Variants in NAV2 observed in about 807,000 individuals in gnomAD.
NAV2 encodes the protein helicase, APC down-regulated 1.
NAV2 carries 54 observed loss-of-function variants against 223.2 expected under a neutral mutation model. The observed-to-expected ratio is 0.24, with a 90% CI of 0.19 to 0.30. The LOEUF is 0.30. Ranked by LOEUF, NAV2 falls within the 10% of genes least tolerant of loss-of-function variation. The probability of loss-of-function intolerance (pLI) is 1.00; values close to 1 mark genes in which losing one functional copy is unlikely to be tolerated. For missense variants in NAV2, 2,806 were observed against 3,147.5 expected (o/e 0.89, Z 2.60); for synonymous variants, 1,279 against 1,239.3 (o/e 1.03, Z -0.67).
intron 1 of NAV2, among the ~76,000 whole-genome samples, chr11:19,355,390 A>C (rs1349446504): frequency 1.3e-5 from 2 of 152,026 alleles, no homozygotes; most frequent in African/African-American, 4.8e-5. Flanking sequence ...GGAGAGTGTG[A>C]ACTCGGGTTT....
intron 32 of NAV2, 147 bp downstream of exon 32, chr11:20,101,319 A>C: frequency 1.6e-6 from 1 of 643,450 alleles, no homozygotes; most frequent in East Asian, 2.8e-5. Context: ...AGAGGGGGCT[A>C]GCAGAAAAGA....
chr11:19,510,344 T>G (rs995849670), intron 1 of NAV2, among the ~76,000 whole-genome samples: 1 of 152,240 alleles, frequency 6.6e-6, no homozygotes, highest in African/African-American at 2.4e-5. Flanking sequence ...AGGTTGTGGA[T>G]GCTGTCCTGA....
At position 20,044,227 on chromosome 11, in the gene NAV2, A is replaced by G. The variant is rs758666695; in HGVS notation, c.3154A>G (p.Thr1052Ala). The change falls in exon 13 of 38, where the codon ACG becomes GCG. Residue 1052 changes from threonine (T) to alanine (A), a missense_variant. By Grantham distance (58) the Thr-to-Ala change is moderately conservative. This residue lies in a region of NAV2 where 742 missense variants were observed against 777.9 expected (regional missense o/e 0.95). Coordinates refer to ENST00000349880, the MANE Select transcript of NAV2 (RefSeq NM_145117.5). The part of the protein sequence containing the change: ...TAQVGITMPR[T>A]KPSAPAGALK... ...TCAGGTGGGCATCACCATGCCAAGGACGAAGCCTTCAGCCCCGGCAGGCGC... is the reference window on the plus strand; with the variant it reads ...TCAGGTGGGCATCACCATGCCAAGGGCGAAGCCTTCAGCCCCGGCAGGCGC... The G allele has an allele frequency of 1.2e-6, 2 of 1,613,908 alleles. No homozygotes were observed. The highest frequency in any genetic ancestry group is 1.7e-6 in the Non-Finnish European group (2 of 1,179,804).
intron 1 of NAV2, among the ~76,000 whole-genome samples, chr11:19,631,885 G>C (rs2047357257): frequency 6.6e-6 from 1 of 152,234 alleles, no homozygotes. Context: ...CTTCCCAGGA[G>C]ACAGCTCAGT....
intron 1 of NAV2, among the ~76,000 whole-genome samples, chr11:19,562,240 A>G (rs2045126030): frequency 6.6e-6 from 1 of 152,228 alleles, no homozygotes; most frequent in Non-Finnish European, 1.5e-5. Flanking sequence ...CAACATCCAT[A>G]TATAGAAAGA....
chr11:19,452,381 C>A (rs1345724006), intron 1 of NAV2, among the ~76,000 whole-genome samples: 1 of 152,100 alleles, frequency 6.6e-6, no homozygotes, highest in Non-Finnish European at 1.5e-5. Flanking sequence ...TGACCATAAA[C>A]AAATGACCAT....
At chr11:19,475,857 C>A (rs954508781) in intron 1 of NAV2, among the ~76,000 whole-genome samples, 2 of 152,254 alleles carry the variant, frequency 1.3e-5, no homozygotes, top group African/African-American at 4.8e-5. Context: ...TTTTGTCGTG[C>A]ATGTTCATAT....
intron 1 of NAV2, among the ~76,000 whole-genome samples, chr11:19,780,888 G>C (rs1264412257): frequency 6.6e-6 from 1 of 151,770 alleles, no homozygotes; most frequent in Non-Finnish European, 1.5e-5. Flanking sequence ...TTTTTTGTTT[G>C]TTTGTTTGTT....
At chr11:20,116,525 C>T (rs2063105346) in intron 37 of NAV2, among the ~76,000 whole-genome samples, 1 of 152,184 alleles carries the variant, frequency 6.6e-6, no homozygotes. Flanking sequence ...CAGGGGCAAA[C>T]TCATGAGGTC....
At chr11:19,943,486 C>G (rs147130614) in intron 8 of NAV2, among the ~76,000 whole-genome samples, 2 of 152,298 alleles carry the variant, frequency 1.3e-5, no homozygotes, top group African/African-American at 4.8e-5. Context: ...TAAATTTCCT[C>G]CATGAAATCA....
At chr11:20,078,127 T>C in intron 24 of NAV2, 23 bp downstream of exon 24, 1 of 1,572,242 alleles carries the variant, frequency 6.4e-7, no homozygotes, top group Non-Finnish European at 8.7e-7. Context: ...AAACAGCCTT[T>C]AGCCAGAAGA....
intron 5 of NAV2, among the ~76,000 whole-genome samples, chr11:19,888,039 C>G (rs12226059): frequency 2.0e-5 from 3 of 151,912 alleles, no homozygotes. Flanking sequence ...GACAGTTTTA[C>G]TGCTCTGCTT....
chr11:19,934,322 A>T, intron 7 of NAV2, 45 bp downstream of exon 7: 1 of 1,517,618 alleles, frequency 6.6e-7, no homozygotes, highest in Non-Finnish European at 8.8e-7. Context: ...ATTGGGTAAA[A>T]GTTCCTTTAT....
chr11:19,792,977 G>A (rs913214585), intron 1 of NAV2, among the ~76,000 whole-genome samples: 1 of 151,848 alleles, frequency 6.6e-6, no homozygotes, highest in Non-Finnish European at 1.5e-5. Context: ...GGGAGGCCGA[G>A]GTGGGTGGAT....
At chr11:19,727,788 C>A (rs1049467744) in intron 1 of NAV2, among the ~76,000 whole-genome samples, 19 of 152,234 alleles carry the variant, frequency 1.2e-4, no homozygotes, top group Admixed American at 2.0e-4. Flanking sequence ...ACTGCCTGAC[C>A]TTGTGCACAC....
upstream of NAV2, among the ~76,000 whole-genome samples, chr11:19,709,792 CA>C (rs998009372): frequency 6.9e-6 from 1 of 144,732 alleles, no homozygotes. Flanking sequence ...AACTCGGTCA[CA>C]AAAAAAAAGG....
intron 1 of NAV2, among the ~76,000 whole-genome samples, chr11:19,425,777 A>T (rs758629432): frequency 2.0e-5 from 3 of 152,222 alleles, no homozygotes; most frequent in Non-Finnish European, 2.9e-5. Flanking sequence ...TAGGTAGAAT[A>T]TAAGACTCAT....
intron 19 of NAV2, 88 bp from the exon 20 acceptor site, chr11:20,062,219 C>T: frequency 1.1e-6 from 1 of 903,938 alleles, no homozygotes. Context: ...CCTGGAGTGT[C>T]CTGTATTGCT....
rs60974855 is a variant in NAV2, at chr11:19,655,730, C to T, written c.76-176754C>T. 7.3e-3 allele frequency among the ~76,000 whole-genome samples: 791 copies of T among 108,808 alleles called. 19 individuals are homozygous for T. Among genetic ancestry groups the T allele is most frequent in the East Asian group, 0.068 (252 of 3,706 alleles). 71.4% of individuals were successfully genotyped at this position (108,808 alleles called of 152,430 possible). On this transcript the variant is annotated intron_variant, in intron 1 of 37. Coordinates refer to the NAV2 transcript ENST00000360655. ...ATACAGGAAGGGGAACATCACACACCGGGGCCTGTTTTGGGGTGGGGGGAG... is the reference window on the plus strand; with the variant it reads ...ATACAGGAAGGGGAACATCACACACTGGGGCCTGTTTTGGGGTGGGGGGAG...
Sources: allele counts gnomAD v4.1 joint callset (sites outside exome capture counted in the v4.1 genomes callset), GRCh38; gene constraint gnomAD v4.1.1; regional missense constraint gnomAD v4.1.1; transcripts MANE v1.5; gene names NCBI Gene and HGNC (gene_info 2026-07-23, HGNC 2026-07-21).